The following GRIA1 variants were observed in gnomAD, a reference collection of about 807,000 sequenced individuals.
The protein encoded by GRIA1 is glutamate ionotropic receptor AMPA type subunit 1.
A neutral mutation model predicts 99.2 loss-of-function variants in GRIA1; 31 were observed. The observed-to-expected ratio is 0.31, with a 90% CI of 0.23 to 0.42. The LOEUF is 0.42. GRIA1 is among the 10% of genes least tolerant of loss of function. The probability of loss-of-function intolerance (pLI) is 1.00; values close to 1 mark genes in which losing one functional copy is unlikely to be tolerated. For missense variants in GRIA1, 782 were observed against 1,157.5 expected, an observed-to-expected ratio of 0.68 and a Z score of 4.71; for synonymous variants, 438 against 432.4, an observed-to-expected ratio of 1.01 and a Z score of -0.16.
intron 2 of GRIA1, 98 bp from the exon 3 acceptor site, chr5:153,646,830 G>C (rs976224434): frequency 1.5e-6 from 2 of 1,306,768 alleles, no homozygotes; most frequent in Admixed American, 3.8e-5. Flanking sequence ...GTGGATAATT[G>C]ATGGGTTGGA....
chr5:153,621,262 C>G (rs1414725194), intron 2 of GRIA1, among the ~76,000 whole-genome samples: 2 of 152,082 alleles, frequency 1.3e-5, no homozygotes, highest in African/African-American at 4.8e-5. Flanking sequence ...TAGTAGGTCT[C>G]CTTATGATGT....
At chr5:153,509,664 CT>C (rs1192252531) in intron 2 of GRIA1, among the ~76,000 whole-genome samples, 1 of 152,154 alleles carries the variant, frequency 6.6e-6, no homozygotes, top group African/African-American at 2.4e-5. Context: ...CATTTTGGAT[CT>C]TGTGTGATCT....
intron 13 of GRIA1, among the ~76,000 whole-genome samples, chr5:153,783,570 C>T (rs1292362083): frequency 2.6e-5 from 4 of 152,222 alleles, no homozygotes; most frequent in African/African-American, 9.6e-5. Context: ...GCTGTATCCA[C>T]TGATCTTAAC....
chr5:153,798,413 T>C (rs139400938), intron 14 of GRIA1, among the ~76,000 whole-genome samples: 1,604 of 152,294 alleles, frequency 0.011, 112 homozygotes, highest in Admixed American at 0.096. Context: ...TAAGTCAGAT[T>C]ACAGATTCAG....
At chr5:153,646,367 G>A (rs1392354299) in intron 2 of GRIA1, among the ~76,000 whole-genome samples, 2 of 152,190 alleles carry the variant, frequency 1.3e-5, no homozygotes, top group African/African-American at 2.4e-5. Flanking sequence ...TCTTCCTGTA[G>A]CACCTTTTTA....
intron 11 of GRIA1, among the ~76,000 whole-genome samples, chr5:153,742,672 C>A (rs1296263445): frequency 2.0e-5 from 3 of 152,122 alleles, no homozygotes; most frequent in African/African-American, 2.4e-5. Flanking sequence ...TAGAGGATAC[C>A]CTTAGTCTTC....
intron 11 of GRIA1, among the ~76,000 whole-genome samples, chr5:153,714,353 T>C (rs970248691): frequency 6.6e-6 from 1 of 152,206 alleles, no homozygotes; most frequent in Non-Finnish European, 1.5e-5. Flanking sequence ...TATATATACA[T>C]TTTTAAGGGA....
intron 2 of GRIA1, among the ~76,000 whole-genome samples, chr5:153,539,812 C>T (rs186545740): frequency 2.6e-5 from 4 of 152,314 alleles, no homozygotes; most frequent in Non-Finnish European, 1.5e-5. Context: ...CAAACCATCA[C>T]CTTAAAGCCT....
At chr5:153,809,777 A>G (rs1186116016) in intron 15 of GRIA1, among the ~76,000 whole-genome samples, 1 of 152,252 alleles carries the variant, frequency 6.6e-6, no homozygotes, top group Admixed American at 6.5e-5. Flanking sequence ...CACTGGAGGC[A>G]GAACCATTAC....
intron 2 of GRIA1, among the ~76,000 whole-genome samples, chr5:153,514,703 T>C (rs1756443597): frequency 6.6e-6 from 1 of 152,220 alleles, no homozygotes; most frequent in African/African-American, 2.4e-5. Context: ...ATTTTGGGAT[T>C]TTTTTCTATT....
At position 153,495,106 on chromosome 5, in the gene GRIA1, C is replaced by A. The variant is rs541814129; in HGVS notation, c.220+1041C>A. 7.9e-5 allele frequency among the ~76,000 whole-genome samples: 12 copies of A among 152,260 alleles called. No homozygotes were observed. The South Asian group carries it at 2.5e-3, about 32-fold the overall frequency. ...AATGAGAAGTCAGAATTCTTTCTAT[C>A]CCAAAGACCACTCCTAAAATAATGT... On this transcript the variant is annotated intron_variant, in intron 2 of 15. Coordinates refer to ENST00000285900, the MANE Select transcript of GRIA1 (RefSeq NM_000827.4).
intron 13 of GRIA1, among the ~76,000 whole-genome samples, chr5:153,777,453 G>A (rs575942069): frequency 9.9e-5 from 15 of 152,064 alleles, no homozygotes; most frequent in African/African-American, 1.7e-4. Flanking sequence ...CTTCATAAAC[G>A]TCTGTCTTCT....
At chr5:153,516,429 G>A (rs1274745821) in intron 2 of GRIA1, among the ~76,000 whole-genome samples, 1 of 151,672 alleles carries the variant, frequency 6.6e-6, no homozygotes, top group Non-Finnish European at 1.5e-5. Context: ...CACCCTTTGG[G>A]GGAAAGAGAG....
At chr5:153,542,679 A>G (rs1037395067) in intron 2 of GRIA1, among the ~76,000 whole-genome samples, 1 of 152,208 alleles carries the variant, frequency 6.6e-6, no homozygotes, top group African/African-American at 2.4e-5. Flanking sequence ...TTGCTCTGCC[A>G]TTTGCTAGCT....
chr5:153,723,569 A>C (rs940065858), intron 11 of GRIA1, among the ~76,000 whole-genome samples: 2 of 152,226 alleles, frequency 1.3e-5, no homozygotes, highest in Non-Finnish European at 2.9e-5. Context: ...TGGACTTAAA[A>C]AACGGCGCAC....
intron 2 of GRIA1, among the ~76,000 whole-genome samples, chr5:153,601,475 A>G (rs756476965): frequency 5.3e-5 from 8 of 152,246 alleles, no homozygotes; most frequent in African/African-American, 9.6e-5. Context: ...TTGCTGGGAC[A>G]TGAAGGTCTT....
At chr5:153,621,266 A>G (rs996049526) in intron 2 of GRIA1, among the ~76,000 whole-genome samples, 1 of 152,162 alleles carries the variant, frequency 6.6e-6, no homozygotes, top group African/African-American at 2.4e-5. Flanking sequence ...AGGTCTCCTT[A>G]TGATGTGTTA....
At chr5:153,508,923 G>A (rs976184045) in intron 2 of GRIA1, among the ~76,000 whole-genome samples, 5 of 152,172 alleles carry the variant, frequency 3.3e-5, no homozygotes, top group African/African-American at 1.2e-4. Flanking sequence ...TGGGTATTGA[G>A]GGTCAAGGGG....
At chr5:153,763,657 G>A (rs1479988180) in intron 11 of GRIA1, among the ~76,000 whole-genome samples, 1 of 152,196 alleles carries the variant, frequency 6.6e-6, no homozygotes, top group African/African-American at 2.4e-5. Context: ...TATCCTATCA[G>A]ATCAGAGAGA....
Sources: gnomAD v4.1 joint callset for allele counts (sites outside exome capture counted in the v4.1 genomes callset) on GRCh38, gnomAD v4.1.1 for gene constraint, MANE v1.5 for transcripts, NCBI Gene and HGNC (gene_info 2026-07-23, HGNC 2026-07-21) for gene names.